Variants in ATOSA observed in about 807,000 individuals in gnomAD.
ATOSA encodes atos homolog protein A.
chr15:52,617,439 C>A, the ATOSA span, among the ~76,000 whole-genome samples: 3 of 152,162 alleles, frequency 2.0e-5, no homozygotes, highest in East Asian at 5.8e-4. Flanking sequence ...TTTAAGCCAC[C>A]CAAATCTATG....
chr15:52,635,561 T>C, the ATOSA span, among the ~76,000 whole-genome samples: 1 of 151,852 alleles, frequency 6.6e-6, no homozygotes, highest in South Asian at 2.1e-4. Context: ...CCAGGCTCAG[T>C]GATGTGAGCC....
the ATOSA span, among the ~76,000 whole-genome samples, chr15:52,596,495 A>G: frequency 6.6e-6 from 1 of 152,220 alleles, no homozygotes. Flanking sequence ...AACTCAAAAT[A>G]GATCACAGAT....
chr15:52,662,016 G>T, the ATOSA span, among the ~76,000 whole-genome samples: 1 of 149,210 alleles, frequency 6.7e-6, no homozygotes, highest in African/African-American at 2.5e-5. Flanking sequence ...CAAAATTATC[G>T]AATCTAATCT....
chr15:52,676,431 G>A, the ATOSA span, among the ~76,000 whole-genome samples: 1 of 152,056 alleles, frequency 6.6e-6, no homozygotes, highest in Admixed American at 6.6e-5. Flanking sequence ...CGCACAGTAA[G>A]GGTAAGTACG....
At chr15:52,591,127 A>G in the ATOSA span, among the ~76,000 whole-genome samples, 1 of 152,258 alleles carries the variant, frequency 6.6e-6, no homozygotes, top group East Asian at 1.9e-4. Flanking sequence ...TCCATCAAAG[A>G]TATTTATTTG....
At chr15:52,651,896 C>A in the ATOSA span, 1 of 1,535,534 alleles carries the variant, frequency 6.5e-7, no homozygotes, top group Non-Finnish European at 8.7e-7. Context: ...TTTGTTTCCA[C>A]TGAAAACCAT....
At chr15:52,626,374 C>A in the ATOSA span, among the ~76,000 whole-genome samples, 1 of 152,124 alleles carries the variant, frequency 6.6e-6, no homozygotes, top group East Asian at 1.9e-4. Context: ...TAATGCATGG[C>A]AAAACTGTAC....
the ATOSA span, chr15:52,608,966 G>T: frequency 6.2e-7 from 1 of 1,611,440 alleles, no homozygotes; most frequent in Non-Finnish European, 8.5e-7. Flanking sequence ...GTACAAATCT[G>T]TTTGTCAATA....
chr15:52,625,592 G>A, the ATOSA span, among the ~76,000 whole-genome samples: 1 of 152,096 alleles, frequency 6.6e-6, no homozygotes, highest in Admixed American at 6.6e-5. Context: ...TTCTGAACTT[G>A]AGTGTGGTTT....
chr15:52,674,260 G>A, the ATOSA span, among the ~76,000 whole-genome samples: 1 of 149,432 alleles, frequency 6.7e-6, no homozygotes, highest in Non-Finnish European at 1.5e-5. Context: ...ATGTTGCCCA[G>A]GGTGGTCTCG....
At chr15:52,697,150 C>T in the ATOSA span, among the ~76,000 whole-genome samples, 2 of 152,268 alleles carry the variant, frequency 1.3e-5, no homozygotes, top group South Asian at 4.1e-4. Flanking sequence ...ATGTTCTGAC[C>T]ACCACAGACC....
chr15:52,606,906 T>C, the ATOSA span, among the ~76,000 whole-genome samples: 2 of 152,310 alleles, frequency 1.3e-5, no homozygotes, highest in Admixed American at 6.5e-5. Flanking sequence ...AAATTTTCCA[T>C]ATAATTGAGA....
chr15:52,672,403 A>G, the ATOSA span, among the ~76,000 whole-genome samples: 1 of 151,832 alleles, frequency 6.6e-6, no homozygotes, highest in Non-Finnish European at 1.5e-5. Context: ...TTTTTCACCT[A>G]TTTGAGCAAA....
chr15:52,611,222 A>T, the ATOSA span: 1 of 1,613,880 alleles, frequency 6.2e-7, no homozygotes, highest in African/African-American at 1.3e-5. Context: ...CAGCCAACAG[A>T]AGCGTCTTCT....
the ATOSA span, chr15:52,652,040 T>C: frequency 1.3e-6 from 2 of 1,487,266 alleles, no homozygotes; most frequent in South Asian, 1.3e-5. Flanking sequence ...TCCCTCCGTG[T>C]AAGGTTTTTC....
the ATOSA span, among the ~76,000 whole-genome samples, chr15:52,626,621 T>A: frequency 1.4e-4 from 21 of 151,970 alleles, no homozygotes; most frequent in South Asian, 4.0e-3. Flanking sequence ...GTGAGGAAAT[T>A]GGACTTCAGA....
the ATOSA span, among the ~76,000 whole-genome samples, chr15:52,668,487 T>A: frequency 1.7e-3 from 255 of 152,336 alleles, no homozygotes; most frequent in African/African-American, 6.0e-3. Flanking sequence ...GGTGTTCTAC[T>A]GCATAGTAGG....
At chr15:52,678,736 G>C in the ATOSA span, 1 of 153,038 alleles carries the variant, frequency 6.5e-6, no homozygotes. Context: ...GGCCGGCTCC[G>C]GGGGAGGTGT....
At chr15:52,608,801 T>C in the ATOSA span, 2 of 1,603,334 alleles carry the variant, frequency 1.2e-6, no homozygotes, top group South Asian at 1.1e-5. Context: ...GAGTCTTTAT[T>C]TGAGGACATG....
Sources: allele counts gnomAD v4.1 joint callset (sites outside exome capture counted in the v4.1 genomes callset), GRCh38; gene constraint gnomAD v4.1.1; transcripts MANE v1.5; gene names NCBI Gene and HGNC (gene_info 2026-07-23, HGNC 2026-07-21).